Variants in HERC4 observed in about 807,000 individuals in gnomAD.
HERC4 encodes probable E3 ubiquitin-protein ligase HERC4.
Under a neutral mutation model 124.3 loss-of-function variants are expected in HERC4, and 28 were observed. The ratio of observed to expected loss-of-function variants is 0.23; its 90% CI spans 0.17 to 0.31. The LOEUF (loss-of-function observed/expected upper bound fraction) is 0.31. HERC4 is among the 10% of genes least tolerant of loss of function. The probability of loss-of-function intolerance (pLI) is 1.00; values close to 1 mark genes in which losing one functional copy is unlikely to be tolerated. For synonymous variants in HERC4, 407 were observed against 421.5 expected, an observed-to-expected ratio of 0.97 and a Z score of 0.42; for missense variants, 713 against 1,229.3, an observed-to-expected ratio of 0.58 and a Z score of 6.28.
chr10:67,974,166 T>A (rs1241402223), intron 15 of HERC4, among the ~76,000 whole-genome samples: 1 of 142,624 alleles, frequency 7.0e-6, no homozygotes, highest in East Asian at 2.1e-4. Context: ...TAGTTGAAAG[T>A]AATGGCAGGA....
At chr10:68,006,794 G>A (rs1261470489) in intron 9 of HERC4, among the ~76,000 whole-genome samples, 1 of 152,154 alleles carries the variant, frequency 6.6e-6, no homozygotes. Flanking sequence ...CTTTAAATAT[G>A]TCATGCCATT....
intron 3 of HERC4, among the ~76,000 whole-genome samples, chr10:68,058,975 G>C (rs2040691469): frequency 1.3e-5 from 2 of 151,926 alleles, no homozygotes; most frequent in Non-Finnish European, 2.9e-5. Flanking sequence ...AGTTACCAAT[G>C]TTATTACTTG....
At chr10:67,938,674 A>G (rs1033162727) in intron 21 of HERC4, among the ~76,000 whole-genome samples, 5 of 151,620 alleles carry the variant, frequency 3.3e-5, no homozygotes, top group African/African-American at 1.2e-4. Context: ...GGCCAGGTGC[A>G]GTGGCTCATG....
intron 19 of HERC4, among the ~76,000 whole-genome samples, chr10:67,941,568 A>G (rs1294080411): frequency 1.3e-5 from 2 of 152,102 alleles, no homozygotes; most frequent in African/African-American, 4.8e-5. Context: ...TTCCACCTAT[A>G]ATAAGCTCAG....
rs1158901858 is a variant in HERC4 at position 68,032,866 on chromosome 10, C to T, written c.689G>A (p.Arg230Lys). 1.4e-6 allele frequency: 2 copies of T among 1,464,918 alleles called. No individual in the cohort carries two copies. Among genetic ancestry groups the T allele is most frequent in the Admixed American group, 1.7e-5 (1 of 59,532 alleles). 90.7% of individuals were successfully genotyped at this position (1,464,918 alleles called of 1,614,324 possible). The change falls in exon 7 of 25, where the codon AGG becomes AAG. Residue 230 changes from arginine (R) to lysine (K), a missense_variant. Physicochemically the swap from Arg to Lys is conservative, Grantham distance 26. Coordinates refer to ENST00000373700, the MANE Select transcript of HERC4 (RefSeq NM_015601.4). ...GQLGLNDENDRYVPNLLKSLR... is the reference protein window; with the variant it reads ...GQLGLNDENDKYVPNLLKSLR... ...TGACTTTAGTAAATTAGGAACATAC[C>T]TATCTGAAAATTCCAACAAGAGATG...
chr10:68,001,214 A>T (rs1372076039), intron 9 of HERC4, among the ~76,000 whole-genome samples: 1 of 151,946 alleles, frequency 6.6e-6, no homozygotes, highest in Non-Finnish European at 1.5e-5. Context: ...CTACAAAAAA[A>T]TTTAAAAATT....
rs758058940 is a variant in HERC4 at position 68,038,154 on chromosome 10, C to T, written c.402G>A (p.Leu134=). The change falls in exon 5 of 25, where the codon TTG becomes TTA. Residue 134 remains leucine, a synonymous_variant. Coordinates refer to ENST00000373700, the MANE Select transcript of HERC4 (RefSeq NM_015601.4). ...CAACCTGTACAATCTGGATATCTGA[C>T]AAACTTTTAATATTTCTAGAAAAGA... ...CIRVPRNIKS[L]SDIQIVQVAC... is the part of the protein sequence containing the mutation. 1.3e-6 allele frequency: 2 copies of T among 1,523,018 alleles called. No individual in the cohort carries two copies. The highest frequency in any genetic ancestry group is 1.8e-6 in the Non-Finnish European group (2 of 1,134,280). 94.3% of individuals were successfully genotyped at this position (1,523,018 alleles called of 1,614,324 possible).
chr10:67,957,375 CTTCAT>C (rs1277250678), intron 16 of HERC4, among the ~76,000 whole-genome samples: 10 of 152,086 alleles, frequency 6.6e-5, no homozygotes, highest in Non-Finnish European at 1.2e-4. Context: ...CTGTCTATTC[CTTCAT>C]TTAACAGATA....
At chr10:67,979,227 A>G (rs1394375283) in intron 15 of HERC4, among the ~76,000 whole-genome samples, 1 of 152,194 alleles carries the variant, frequency 6.6e-6, no homozygotes, top group African/African-American at 2.4e-5. Context: ...AAGAAACTCA[A>G]AGAAATTCAA....
rs979792664 is a variant in HERC4, at chr10:68,035,725, T to C, written c.464-1539A>G. ...ATACTCTAGCCGTATTGCCTTCCTTTATATTCTCCAATGGCCAGTTCTCAC... is the reference window on the plus strand; with the variant it reads ...ATACTCTAGCCGTATTGCCTTCCTTCATATTCTCCAATGGCCAGTTCTCAC... On this transcript the variant is annotated intron_variant, in intron 5 of 24. Coordinates refer to ENST00000373700, the MANE Select transcript of HERC4 (RefSeq NM_015601.4). Among the ~76,000 whole-genome samples the C allele has an allele frequency of 6.6e-5, 10 of 152,256 alleles. 1 individual carries two copies. The highest frequency in any genetic ancestry group is 1.2e-4 in the Non-Finnish European group (8 of 68,010).
intron 9 of HERC4, among the ~76,000 whole-genome samples, chr10:68,013,775 T>C (rs1269359090): frequency 6.6e-6 from 1 of 152,218 alleles, no homozygotes; most frequent in Non-Finnish European, 1.5e-5. Flanking sequence ...TCCCTCCCAC[T>C]GGTATGTAGC....
chr10:68,070,912 T>G (rs2041543534), intron 3 of HERC4, among the ~76,000 whole-genome samples: 1 of 152,244 alleles, frequency 6.6e-6, no homozygotes, highest in Non-Finnish European at 1.5e-5. Context: ...TTACTTTAAT[T>G]CTATCCCATA....
At chr10:68,021,479 A>G (rs1037161844) in intron 8 of HERC4, among the ~76,000 whole-genome samples, 1 of 152,158 alleles carries the variant, frequency 6.6e-6, no homozygotes, top group Non-Finnish European at 1.5e-5. Context: ...ATTCAACATA[A>G]TCTTGGAAGT....
intron 18 of HERC4, 30 bp from the exon 19 acceptor site, chr10:67,954,768 G>C: frequency 6.3e-7 from 1 of 1,598,988 alleles, no homozygotes; most frequent in Non-Finnish European, 8.5e-7. Flanking sequence ...ACACCAAATA[G>C]ACTGTAAAGA....
chr10:67,995,317 A>C (rs1457159165), intron 9 of HERC4: 2 of 452,994 alleles, frequency 4.4e-6, no homozygotes, highest in East Asian at 1.4e-4. Flanking sequence ...ATTAAGTGTT[A>C]GCATTACTTC....
At chr10:67,929,449 G>A (rs1182955176) in intron 23 of HERC4, among the ~76,000 whole-genome samples, 1 of 152,138 alleles carries the variant, frequency 6.6e-6, no homozygotes, top group East Asian at 1.9e-4. Context: ...CATACAGTAT[G>A]CAACCATTTG....
intron 5 of HERC4, among the ~76,000 whole-genome samples, chr10:68,036,777 C>A (rs1328009200): frequency 4.6e-5 from 7 of 152,184 alleles, no homozygotes; most frequent in Non-Finnish European, 1.0e-4. Flanking sequence ...AAAAATTAAT[C>A]TTTAATAAAT....
intron 3 of HERC4, among the ~76,000 whole-genome samples, chr10:68,056,121 G>C (rs577787702): frequency 1.3e-5 from 2 of 152,090 alleles, no homozygotes; most frequent in African/African-American, 4.8e-5. Flanking sequence ...GGAAAGAAGG[G>C]GTAAAGGTGA....
Position 68,049,329 on chromosome 10 carries a change from CAT to C in HERC4, c.227-4768_227-4767del, listed in dbSNP as rs1420381460. On this transcript the variant is annotated intron_variant, in intron 3 of 24. Transcript: ENST00000373700. Reference sequence around the variant, plus strand: ...TTTTTGTGTAAGAGGAAGAAGAAAACATATTCATATTTGCTAATATTTTATCT... The same window carrying C: ...TTTTTGTGTAAGAGGAAGAAGAAAACATTCATATTTGCTAATATTTTATCT... 5.9e-5 allele frequency among the ~76,000 whole-genome samples: 9 copies of C among 152,008 alleles called. No individual in the cohort carries two copies. In the South Asian group the frequency reaches 1.5e-3, roughly 25 times the overall value.
Sources: gnomAD v4.1 joint callset for allele counts (sites outside exome capture counted in the v4.1 genomes callset) on GRCh38, gnomAD v4.1.1 for gene constraint, MANE v1.5 for transcripts, NCBI Gene and HGNC (gene_info 2026-07-23, HGNC 2026-07-21) for gene names.